Variants in QKI observed in about 807,000 individuals in gnomAD.
The protein encoded by QKI is KH domain-containing RNA-binding protein QKI.
Under a neutral mutation model 39.0 loss-of-function variants are expected in QKI, and 10 were observed. The ratio of observed to expected loss-of-function variants is 0.26; its 90% CI spans 0.16 to 0.43. The LOEUF (loss-of-function observed/expected upper bound fraction) is 0.43. Ranked by LOEUF, QKI falls within the 20% of genes least tolerant of loss-of-function variation. The pLI is 1.00. For missense variants in QKI, 218 were observed against 428.0 expected (o/e 0.51, Z 4.33); for synonymous variants, 204 against 155.4 (o/e 1.31, Z -2.33).
Position 163,436,685 on chromosome 6 carries a change from G to A in QKI, c.143-18594G>A, listed in dbSNP as rs553055101. On this transcript the variant is annotated intron_variant, in intron 1 of 7. Transcript: ENST00000361752. ...AAAAATTAGCTGGGCGTGGTGGTGTGTGCCTGTAGCAGGAGAATCTTTTGA... is the reference window on the plus strand; with the variant it reads ...AAAAATTAGCTGGGCGTGGTGGTGTATGCCTGTAGCAGGAGAATCTTTTGA... 5.3e-5 allele frequency among the ~76,000 whole-genome samples: 8 copies of A among 150,224 alleles called. No homozygotes were observed. The East Asian group carries it at 1.6e-3, about 30-fold the overall frequency.
chr6:163,432,692 GTC>G (rs144108262), intron 1 of QKI, among the ~76,000 whole-genome samples: 3,814 of 152,158 alleles, frequency 0.025, 156 homozygotes, highest in African/African-American at 0.086. Flanking sequence ...GTTAAGAGTA[GTC>G]TCTCTCTTTC....
chr6:163,555,450 G>A (rs1419033802), intron 4 of QKI, among the ~76,000 whole-genome samples: 2 of 139,630 alleles, frequency 1.4e-5, no homozygotes, highest in Non-Finnish European at 1.5e-5. Context: ...GTTGGAGGTT[G>A]CAGTGAGCCA....
chr6:163,492,340 T>C (rs1196683310), intron 3 of QKI, among the ~76,000 whole-genome samples: 3 of 152,204 alleles, frequency 2.0e-5, no homozygotes, highest in African/African-American at 7.2e-5. Flanking sequence ...TTTTAAAACA[T>C]GTAATTGTTA....
chr6:163,568,070 C>T (rs1012602802), intron 7 of QKI: 26 of 985,106 alleles, frequency 2.6e-5, no homozygotes, highest in South Asian at 9.4e-5. Context: ...GCTCCGTGGT[C>T]GTCTATGAGG....
At chr6:163,469,250 G>C (rs1397877091) in intron 2 of QKI, among the ~76,000 whole-genome samples, 2 of 152,036 alleles carry the variant, frequency 1.3e-5, no homozygotes, top group Admixed American at 1.3e-4. Flanking sequence ...AAAAGCATGG[G>C]GTATGCCAAA....
intron 1 of QKI, among the ~76,000 whole-genome samples, chr6:163,431,436 CTTTAAAATAGGTATATACAG>C (rs1429490205): frequency 6.6e-6 from 1 of 152,072 alleles, no homozygotes; most frequent in African/African-American, 2.4e-5. Context: ...CTGAAACTTA[CTTTAAAATAGGTATATACAG>C]AGAAATATGC....
chr6:163,517,347 A>T (rs901813810), intron 3 of QKI, among the ~76,000 whole-genome samples: 2 of 152,186 alleles, frequency 1.3e-5, no homozygotes, highest in Non-Finnish European at 2.9e-5. Context: ...CTTAAATTCA[A>T]CTGATTACTT....
chr6:163,431,683 T>C (rs1004953578), intron 1 of QKI, among the ~76,000 whole-genome samples: 13 of 152,018 alleles, frequency 8.6e-5, no homozygotes, highest in Non-Finnish European at 1.6e-4. Context: ...GAATATATTA[T>C]CTCCCCTCAT....
intron 3 of QKI, among the ~76,000 whole-genome samples, chr6:163,521,484 G>GA (rs764804265): frequency 5.3e-5 from 8 of 151,964 alleles, no homozygotes; most frequent in Non-Finnish European, 8.8e-5. Flanking sequence ...TCATTACCAA[G>GA]AAAAAAATCA....
intron 3 of QKI, among the ~76,000 whole-genome samples, chr6:163,506,668 GTTCT>G (rs1329761758): frequency 3.3e-5 from 5 of 152,118 alleles, no homozygotes; most frequent in African/African-American, 1.2e-4. Context: ...GGATTACAGA[GTTCT>G]TTAAGAGTTG....
chr6:163,450,960 G>A (rs1790519401), intron 1 of QKI, among the ~76,000 whole-genome samples: 1 of 152,204 alleles, frequency 6.6e-6, no homozygotes, highest in Non-Finnish European at 1.5e-5. Flanking sequence ...AGATGTGCCT[G>A]TATTTTGGGA....
intron 4 of QKI, among the ~76,000 whole-genome samples, chr6:163,540,351 T>A (rs913623750): frequency 4.6e-5 from 7 of 152,178 alleles, no homozygotes; most frequent in Non-Finnish European, 1.0e-4. Context: ...TAAATCTGAT[T>A]AAAGATTGTA....
chr6:163,489,423 G>GCT (rs1318830863), intron 3 of QKI, among the ~76,000 whole-genome samples: 2 of 66,780 alleles, frequency 3.0e-5, no homozygotes, highest in Non-Finnish European at 6.5e-5. Flanking sequence ...AAGAAGTTAT[G>GCT]CTGTGTGTGT....
chr6:163,437,210 A>G (rs1251861613), intron 1 of QKI, among the ~76,000 whole-genome samples: 1 of 152,202 alleles, frequency 6.6e-6, no homozygotes, highest in African/African-American at 2.4e-5. Flanking sequence ...GAAAATTAAA[A>G]TTTGTTGCAA....
intron 3 of QKI, among the ~76,000 whole-genome samples, chr6:163,498,614 T>C (rs766143844): frequency 1.4e-4 from 21 of 152,042 alleles, no homozygotes; most frequent in Admixed American, 3.3e-4. Context: ...TTCCCTCCTC[T>C]CCCCTTTTAA....
intron 4 of QKI, among the ~76,000 whole-genome samples, chr6:163,551,737 G>A (rs73246665): frequency 0.048 from 7,354 of 152,264 alleles, 609 homozygotes; most frequent in African/African-American, 0.17. Context: ...TTTACTTTGA[G>A]GAGTCAGAGT....
chr6:163,565,840 C>G, intron 6 of QKI: 1 of 1,490,008 alleles, frequency 6.7e-7, no homozygotes, highest in Non-Finnish European at 9.0e-7. Flanking sequence ...AAGCAGTGCC[C>G]TTCAAAACAG....
chr6:163,528,739 C>G (rs956182229), intron 3 of QKI, among the ~76,000 whole-genome samples: 12 of 152,064 alleles, frequency 7.9e-5, no homozygotes, highest in African/African-American at 2.9e-4. Flanking sequence ...GCTCTGCCAT[C>G]AAGTGTGAAT....
At chr6:163,472,018 A>C (rs1387058484) in intron 2 of QKI, among the ~76,000 whole-genome samples, 1 of 152,284 alleles carries the variant, frequency 6.6e-6, no homozygotes, top group Non-Finnish European at 1.5e-5. Context: ...TGACAGAAAG[A>C]TATACACTTG....
Sources: allele counts gnomAD v4.1 joint callset (sites outside exome capture counted in the v4.1 genomes callset), GRCh38; gene constraint gnomAD v4.1.1; transcripts MANE v1.5; gene names NCBI Gene and HGNC (gene_info 2026-07-23, HGNC 2026-07-21).